The following SEPTIN10 variants were observed in gnomAD, a reference collection of about 807,000 sequenced individuals.
The protein encoded by SEPTIN10 is septin-10.
A neutral mutation model predicts 54.8 loss-of-function variants in SEPTIN10; 66 were observed. The ratio of observed to expected loss-of-function variants is 1.21; its 90% confidence interval spans 0.99 to 1.48. The LOEUF is 1.48. SEPTIN10 is among the 40% of genes most tolerant of loss of function. The probability of loss-of-function intolerance (pLI) is 0.00; values close to 1 mark genes in which losing one functional copy is unlikely to be tolerated. For synonymous variants in SEPTIN10, 161 were observed against 181.0 expected (o/e 0.89, Z 0.89); for missense variants, 620 against 545.6 (o/e 1.14, Z -1.36).
At chr2:109,576,289 G>A (rs1003153351) in intron 4 of SEPTIN10, among the ~76,000 whole-genome samples, 15 of 152,074 alleles carry the variant, frequency 9.9e-5, no homozygotes, top group African/African-American at 3.6e-4. Flanking sequence ...TATATAGACA[G>A]GGTCTCGTTG....
chr2:109,604,429 G>GAAAGA (rs1056029139), intron 1 of SEPTIN10, among the ~76,000 whole-genome samples: 1 of 138,990 alleles, frequency 7.2e-6, no homozygotes, highest in Non-Finnish European at 1.6e-5. Context: ...AAAAAAGAAA[G>GAAAGA]AAAGAAAAGA....
chr2:109,613,203 C>G (rs1192078744), intron 1 of SEPTIN10: 8 of 1,285,762 alleles, frequency 6.2e-6, no homozygotes, highest in African/African-American at 6.1e-5. Flanking sequence ...GGCTTACTAA[C>G]AAGCGAGATA....
chr2:109,576,081 G>A (rs1017622091), intron 4 of SEPTIN10, among the ~76,000 whole-genome samples: 1 of 151,810 alleles, frequency 6.6e-6, no homozygotes, highest in Non-Finnish European at 1.5e-5. Flanking sequence ...ACAACACAGC[G>A]AGACCCCCAT....
intron 3 of SEPTIN10, 67 bp from the exon 4 acceptor site, chr2:109,585,388 C>T: frequency 7.6e-7 from 1 of 1,320,562 alleles, no homozygotes; most frequent in South Asian, 1.4e-5. Flanking sequence ...ACTGTAAATG[C>T]CTAGAGTGGT....
chr2:109,568,839 A>T (rs1653131837), intron 5 of SEPTIN10, among the ~76,000 whole-genome samples: 1 of 152,190 alleles, frequency 6.6e-6, no homozygotes, highest in Admixed American at 6.5e-5. Context: ...CTTAGACAGC[A>T]GAGGAAGGAA....
At chr2:109,551,143 T>A (rs1682843833) in intron 9 of SEPTIN10, among the ~76,000 whole-genome samples, 1 of 152,210 alleles carries the variant, frequency 6.6e-6, no homozygotes, top group South Asian at 2.1e-4. Context: ...TTTGGAGACA[T>A]CATTTGTTCT....
At chr2:109,559,435 T>A (rs1457572691) in intron 8 of SEPTIN10, among the ~76,000 whole-genome samples, 4 of 152,178 alleles carry the variant, frequency 2.6e-5, no homozygotes, top group Admixed American at 2.6e-4. Context: ...TTCCAGCCAC[T>A]GCTCCCACCC....
intron 4 of SEPTIN10, among the ~76,000 whole-genome samples, chr2:109,583,355 T>C (rs568149395): frequency 4.5e-4 from 69 of 152,020 alleles, no homozygotes; most frequent in African/African-American, 1.6e-3. Context: ...CCAAAAGACA[T>C]GGACATACAA....
intron 5 of SEPTIN10, among the ~76,000 whole-genome samples, 159 bp from the exon 6 acceptor site, chr2:109,568,135 C>G (rs1306710326): frequency 6.6e-6 from 1 of 151,950 alleles, no homozygotes; most frequent in Non-Finnish European, 1.5e-5. Flanking sequence ...GATCTTGATA[C>G]ATAAAGATTT....
At chr2:109,609,154 G>C (rs1332480677) in intron 1 of SEPTIN10, among the ~76,000 whole-genome samples, 2 of 152,216 alleles carry the variant, frequency 1.3e-5, no homozygotes, top group Non-Finnish European at 2.9e-5. Context: ...TCAGCCTAGG[G>C]AAAGTGGGGC....
At chr2:109,569,382 G>C in intron 5 of SEPTIN10, among the ~76,000 whole-genome samples, 1 of 148,760 alleles carries the variant, frequency 6.7e-6, no homozygotes, top group East Asian at 2.0e-4. Context: ...AGTGAGCCGA[G>C]ATCGCGTCAT....
At chr2:109,583,396 A>G (rs1317540832) in intron 4 of SEPTIN10, among the ~76,000 whole-genome samples, 1 of 152,246 alleles carries the variant, frequency 6.6e-6, no homozygotes, top group East Asian at 1.9e-4. Flanking sequence ...AACGCTCAAC[A>G]TAACTCATCA....
At chr2:109,587,495 GA>G (rs1335411495) in intron 2 of SEPTIN10, among the ~76,000 whole-genome samples, 1 of 152,164 alleles carries the variant, frequency 6.6e-6, no homozygotes, top group Non-Finnish European at 1.5e-5. Flanking sequence ...AATAGTGACT[GA>G]AAACTTTCTA....
At chr2:109,613,023 A>G in intron 1 of SEPTIN10, 1 of 515,780 alleles carries the variant, frequency 1.9e-6, no homozygotes, top group South Asian at 1.5e-5. Flanking sequence ...AAAACCACCA[A>G]TGTTTACTAT....
At position 109,564,259 on chromosome 2, in the gene SEPTIN10, GT is replaced by G. The variant is rs375031565; in HGVS notation, c.1028+106del. 226 of 1,040,176 alleles carry G rather than the reference GT, an allele frequency of 2.2e-4. 2 individuals are homozygous for G. In the East Asian group the frequency reaches 4.9e-3, roughly 22 times the overall value. The allele number at this position is 1,040,176 out of a possible 1,614,324, so 64.4% of individuals were successfully genotyped here. ...CATTACCAAATGATTCTATATCATG[GT>G]TTTGGGAGATTCTAAAGAACACATG... is the stretch of plus-strand genomic sequence containing the variant. On this transcript the variant is annotated intron_variant, in intron 8 of 10. Coordinates refer to ENST00000397712, the MANE Select transcript of SEPTIN10 (RefSeq NM_144710.5).
At chr2:109,605,592 TC>T (rs1697759038) in intron 1 of SEPTIN10, 1 of 152,198 alleles carries the variant, frequency 6.6e-6, no homozygotes, top group Non-Finnish European at 1.5e-5. Flanking sequence ...AAAAAGCTAA[TC>T]AGAATACCTG....
In SEPTIN10 at chr2:109,580,882, C is replaced by T. The variant is rs1690949427; in HGVS notation, c.413+4244G>A. ...AGCGCAAAGACAGCACAGCGCCTGG[C>T]CATTCACTGAGTTGAGGAAACCCAG... On this transcript the variant is annotated intron_variant, in intron 4 of 10. Coordinates refer to ENST00000397712, the MANE Select transcript of SEPTIN10 (RefSeq NM_144710.5). Among the ~76,000 whole-genome samples the T allele has an allele frequency of 2.6e-5, 4 of 152,132 alleles. No individual in the cohort carries two copies. The South Asian group carries it at 8.3e-4, about 32-fold the overall frequency.
chr2:109,606,509 G>A (rs1206297275), intron 1 of SEPTIN10, among the ~76,000 whole-genome samples: 4 of 152,094 alleles, frequency 2.6e-5, no homozygotes, highest in Non-Finnish European at 5.9e-5. Context: ...AATTACCATA[G>A]TGGACATAGT....
chr2:109,583,894 C>A (rs1433328839), intron 4 of SEPTIN10, among the ~76,000 whole-genome samples: 1 of 152,110 alleles, frequency 6.6e-6, no homozygotes, highest in African/African-American at 2.4e-5. Context: ...GAACAAAAAA[C>A]CAAATACCAT....
Sources: gnomAD v4.1 joint callset for allele counts (sites outside exome capture counted in the v4.1 genomes callset) on GRCh38, gnomAD v4.1.1 for gene constraint, MANE v1.5 for transcripts, NCBI Gene and HGNC (gene_info 2026-07-23, HGNC 2026-07-21) for gene names.